MDN1: variants seen among roughly 807,000 people sequenced by gnomAD.
The protein encoded by MDN1 is midasin.
A neutral mutation model predicts 669.2 loss-of-function variants in MDN1; 266 were observed. That is an observed-to-expected ratio of 0.40 (90% confidence interval 0.36 to 0.44). MDN1 has a LOEUF of 0.44. Ranked by LOEUF, MDN1 falls within the 20% of genes least tolerant of loss-of-function variation. The pLI is 1.00. For synonymous variants in MDN1, 2,385 were observed against 2,457.1 expected, an observed-to-expected ratio of 0.97 and a Z score of 0.87; for missense variants, 5,940 against 6,754.0, an observed-to-expected ratio of 0.88 and a Z score of 4.22.
At chr6:89,804,986 GA>G (rs1438405913) in intron 1 of MDN1, among the ~76,000 whole-genome samples, 1 of 131,130 alleles carries the variant, frequency 7.6e-6, no homozygotes, top group African/African-American at 2.9e-5. Context: ...GTAGTGAGCC[GA>G]GATCGTGCCA....
At chr6:89,747,890 C>CAAAAAA (rs55885838) in intron 26 of MDN1, among the ~76,000 whole-genome samples, 7 of 84,034 alleles carry the variant, frequency 8.3e-5, no homozygotes, top group African/African-American at 2.0e-4. Flanking sequence ...GACTCCGTCT[C>CAAAAAA]AAAAAAAAAA....
In MDN1 at chr6:89,738,412, G is replaced by C; in HGVS notation, c.4637C>G (p.Pro1546Arg). 6.2e-7 allele frequency: 1 copy of C among 1,614,004 alleles called. No homozygotes were observed. Residue 1546 changes from proline to arginine, a missense_variant, in exon 33 of 102, where the codon CCT becomes CGT. Pro to Arg is a moderately radical substitution (Grantham distance 103). Transcript: ENST00000369393. ...LRNRFTEIWC[P>R]QSTSREDLIQ... ...TAAATCTTCACGGCTTGTGCTTTGA[G>C]GGCACCATATTTCTGTAAACCGGTT...
In MDN1 at chr6:89,650,036, A is replaced by T; in HGVS notation, c.16194T>A (p.Asn5398Lys). 1 of 1,614,032 alleles carries T rather than the reference A, an allele frequency of 6.2e-7. No individual in the cohort carries two copies. Among genetic ancestry groups the T allele is most frequent in the Non-Finnish European group, 8.5e-7 (1 of 1,179,978 alleles). ...AIDDSSSMVD[N>K]HTKQLAFESL... ...TTCTCTTCCTTACCTGCTTGGTATG[A>T]TTGTCTACCATACTAGAAGAGTCAT... Residue 5398 changes from asparagine (N) to lysine (K), a missense_variant, in exon 97 of 102, where the codon AAT becomes AAA. By Grantham distance (94) the Asn-to-Lys change is moderately conservative (BLOSUM62 0). This residue lies in a region of MDN1 where 2,280 missense variants were observed against 2,576.3 expected (regional missense o/e 0.88). Coordinates refer to ENST00000369393, the MANE Select transcript of MDN1 (RefSeq NM_014611.3).
chr6:89,735,304 A>T (rs1490050660), intron 33 of MDN1, among the ~76,000 whole-genome samples: 1 of 152,074 alleles, frequency 6.6e-6, no homozygotes, highest in Non-Finnish European at 1.5e-5. Flanking sequence ...GAGATTGTAA[A>T]AAGCAGTTCA....
At chr6:89,815,880 G>A (rs1399350866) in intron 1 of MDN1, among the ~76,000 whole-genome samples, 2 of 152,184 alleles carry the variant, frequency 1.3e-5, no homozygotes, top group East Asian at 3.9e-4. Context: ...GGGACCTGGA[G>A]GAAGGCATAG....
At chr6:89,813,924 T>A (rs866872456) in intron 1 of MDN1, among the ~76,000 whole-genome samples, 147 of 135,560 alleles carry the variant, frequency 1.1e-3, no homozygotes, top group African/African-American at 3.3e-3. Flanking sequence ...ACCTAAGATT[T>A]AAAAAAAAAA....
intron 19 of MDN1, 48 bp downstream of exon 19, chr6:89,758,207 C>G (rs1192489899): frequency 6.8e-7 from 1 of 1,469,076 alleles, no homozygotes; most frequent in Admixed American, 1.9e-5. Flanking sequence ...GGCAACAGAG[C>G]AAGAACCTGT....
chr6:89,786,222 C>T lies in MDN1; in HGVS notation c.1335-1096G>A, dbSNP rs571054017. ...TGCAGTGAGCCAAATCATGCCACTG[C>T]ACTCCAGCTTGGATGACAGAGTGAG... On this transcript the variant is annotated intron_variant, in intron 8 of 101. Transcript: ENST00000369393. Among the ~76,000 whole-genome samples the T allele has an allele frequency of 2.6e-5, 4 of 152,166 alleles. No homozygotes were observed. The South Asian group carries it at 8.3e-4, about 32-fold the overall frequency.
intron 1 of MDN1, among the ~76,000 whole-genome samples, chr6:89,817,439 C>A (rs537319703): frequency 6.6e-6 from 1 of 152,306 alleles, no homozygotes; most frequent in East Asian, 1.9e-4. Flanking sequence ...CTTCTCTGGA[C>A]ATACTCTCAA....
intron 40 of MDN1, among the ~76,000 whole-genome samples, chr6:89,721,440 C>T (rs1164259508): frequency 1.3e-5 from 2 of 152,170 alleles, no homozygotes; most frequent in African/African-American, 4.8e-5. Context: ...TGGGTAAGGA[C>T]ATGAAGACAG....
At position 89,712,699 on chromosome 6, in the gene MDN1, G is replaced by A; in HGVS notation, c.7306C>T (p.Pro2436Ser). Residue 2436 changes from proline to serine, a missense_variant, in exon 48 of 102, where the codon CCA becomes TCA. Pro to Ser is a moderately conservative substitution (Grantham distance 74). Transcript: ENST00000369393. Reference protein sequence around the residue: ...GDSILGMGLWPDSVPSALFAT... With the variant: ...GDSILGMGLWSDSVPSALFAT... ...AAGAGAGCTGAGGGCACAGAATCTGGCCACAGTCCCATGCCAAGAATGGAG... is the reference window on the plus strand; with the variant it reads ...AAGAGAGCTGAGGGCACAGAATCTGACCACAGTCCCATGCCAAGAATGGAG... The A allele has an allele frequency of 1.2e-6, 2 of 1,614,118 alleles. No homozygotes were observed. Among genetic ancestry groups the A allele is most frequent in the Non-Finnish European group, 1.7e-6 (2 of 1,179,996 alleles).
chr6:89,688,260 TCC>T, intron 66 of MDN1, 87 bp from the exon 67 acceptor site: 1 of 1,185,318 alleles, frequency 8.4e-7, no homozygotes, highest in South Asian at 1.3e-5. Context: ...ACCAGAAGAT[TCC>T]CCCCAGTTCT....
chr6:89,665,349 T>C (rs535200821), intron 84 of MDN1, among the ~76,000 whole-genome samples: 7 of 152,208 alleles, frequency 4.6e-5, no homozygotes, highest in African/African-American at 9.6e-5. Flanking sequence ...TTCTATATAA[T>C]TGATGTGCTA....
At chr6:89,704,417 C>G (rs890644309) in intron 53 of MDN1, among the ~76,000 whole-genome samples, 4 of 152,186 alleles carry the variant, frequency 2.6e-5, no homozygotes, top group African/African-American at 9.7e-5. Context: ...TGATGACTTC[C>G]TGGTAACGAT....
At chr6:89,731,179 A>G (rs934454144) in intron 34 of MDN1, among the ~76,000 whole-genome samples, 1 of 152,240 alleles carries the variant, frequency 6.6e-6, no homozygotes, top group Admixed American at 6.5e-5. Context: ...TACATACAGT[A>G]CCTAATATGG....
Position 89,749,229 on chromosome 6 carries a change from A to T in MDN1, c.3756T>A (p.Asp1252Glu). 6.2e-7 allele frequency: 1 copy of T among 1,613,896 alleles called. No individual in the cohort carries two copies. The highest frequency in any genetic ancestry group is 1.3e-5 in the African/African-American group (1 of 75,036). The change falls in exon 26 of 102, where the codon GAT becomes GAA. Residue 1252 changes from aspartate to glutamate, a missense_variant. Around this residue, in one of 5 missense-constraint regions of MDN1, gnomAD observed 2,292 missense variants for 2,638.3 expected, o/e 0.87. Transcript: ENST00000369393. ...YCSKLVKVMLDLQSYRRSSSV... is the reference protein window; with the variant it reads ...YCSKLVKVMLELQSYRRSSSV... ...TCCATTTGAAACTAAGTACCTGAAG[A>T]TCCAGCATGACTTTAACCAACTTGC...
At chr6:89,677,034 A>AAG (rs1811242210) in intron 76 of MDN1, among the ~76,000 whole-genome samples, 4 of 150,228 alleles carry the variant, frequency 2.7e-5, no homozygotes, top group Admixed American at 6.6e-5. Context: ...AAAAAAAAAA[A>AAG]GGGAAGAAGA....
intron 53 of MDN1, 36 bp downstream of exon 53, chr6:89,706,023 T>G: frequency 6.6e-7 from 1 of 1,514,504 alleles, no homozygotes; most frequent in Non-Finnish European, 8.9e-7. Flanking sequence ...AGATAAATTT[T>G]GTTGTTTAAA....
chr6:89,775,027 C>T (rs1055520801), intron 12 of MDN1, among the ~76,000 whole-genome samples: 2 of 152,104 alleles, frequency 1.3e-5, no homozygotes, highest in African/African-American at 4.8e-5. Context: ...TAAGTCCTCA[C>T]CTAAAAGGTA....
Sources: allele counts gnomAD v4.1 joint callset (sites outside exome capture counted in the v4.1 genomes callset), GRCh38; gene constraint gnomAD v4.1.1; regional missense constraint gnomAD v4.1.1; transcripts MANE v1.5; gene names NCBI Gene and HGNC (gene_info 2026-07-23, HGNC 2026-07-21).